MARCHF11: variants seen among roughly 807,000 people sequenced by gnomAD.
MARCHF11 encodes the protein E3 ubiquitin-protein ligase MARCHF11.
Under a neutral mutation model 37.3 loss-of-function variants are expected in MARCHF11, and 29 were observed. That is an observed-to-expected ratio of 0.78 (90% CI 0.58 to 1.06). The LOEUF is 1.06. MARCHF11 is among the 50% of genes least tolerant of loss of function. The pLI is 0.00. For missense variants in MARCHF11, 482 were observed against 533.4 expected (o/e 0.90, Z 0.95); for synonymous variants, 233 against 228.0 (o/e 1.02, Z -0.20).
intron 2 of MARCHF11, among the ~76,000 whole-genome samples, chr5:16,123,797 G>A (rs1268153725): frequency 6.6e-6 from 1 of 152,164 alleles, no homozygotes; most frequent in African/African-American, 2.4e-5. Flanking sequence ...GGATTTGCAA[G>A]AGACTATTTT....
In MARCHF11 at chr5:16,174,276, A is replaced by AT. The variant is rs1579428392; in HGVS notation, c.693+3449dup. Among the ~76,000 whole-genome samples the AT allele has an allele frequency of 3.3e-5, 5 of 152,358 alleles. No individual in the cohort carries two copies. The East Asian group carries it at 9.6e-4, about 29-fold the overall frequency. ...TTGGATATGTTAATAAATAAAATAG[A>AT]TTCTGCCAGTAGATAGGAAGGTAAA... On this transcript the variant is annotated intron_variant, in intron 2 of 3. Transcript: ENST00000332432.
At chr5:16,140,756 T>C (rs565953322) in intron 2 of MARCHF11, among the ~76,000 whole-genome samples, 1 of 152,304 alleles carries the variant, frequency 6.6e-6, no homozygotes, top group South Asian at 2.1e-4. Flanking sequence ...TTTTAAAATA[T>C]GTCCATATAA....
At chr5:16,178,919 C>G (rs924461506) in intron 1 of MARCHF11, 120 bp downstream of exon 1, 4 of 1,234,778 alleles carry the variant, frequency 3.2e-6, no homozygotes, top group Non-Finnish European at 3.1e-6. Flanking sequence ...CAGGGCAGAA[C>G]CAGACGAGCC....
At chr5:16,105,814 A>G (rs13354280) in intron 2 of MARCHF11, among the ~76,000 whole-genome samples, 8,438 of 151,544 alleles carry the variant, frequency 0.056, 670 homozygotes, top group African/African-American at 0.18. Context: ...ATTTCATTTT[A>G]TCTTTCACTT....
chr5:16,136,243 G>GT (rs1052250385), intron 2 of MARCHF11, among the ~76,000 whole-genome samples: 2 of 151,860 alleles, frequency 1.3e-5, no homozygotes, highest in African/African-American at 4.8e-5. Context: ...TCAAGAAAAT[G>GT]TTTGAGTAAT....
intron 2 of MARCHF11, among the ~76,000 whole-genome samples, chr5:16,092,538 G>A (rs1736804233): frequency 6.6e-6 from 1 of 152,074 alleles, no homozygotes. Context: ...TGAACAATGA[G>A]AACACATGGA....
intron 2 of MARCHF11, among the ~76,000 whole-genome samples, chr5:16,097,033 G>A (rs1736879622): frequency 6.6e-6 from 1 of 152,174 alleles, no homozygotes. Flanking sequence ...TAGATTTATA[G>A]TATGATGATT....
chr5:16,105,181 G>A (rs990429906), intron 2 of MARCHF11, among the ~76,000 whole-genome samples: 1 of 152,152 alleles, frequency 6.6e-6, no homozygotes, highest in Admixed American at 6.5e-5. Context: ...CTGACATCCT[G>A]CTGTGGCTTG....
chr5:16,093,238 G>A (rs1392107983), intron 2 of MARCHF11, among the ~76,000 whole-genome samples: 4 of 152,084 alleles, frequency 2.6e-5, no homozygotes, highest in Non-Finnish European at 5.9e-5. Context: ...GGAGTAACAA[G>A]GATTCACCAA....
intron 2 of MARCHF11, among the ~76,000 whole-genome samples, chr5:16,160,300 A>G (rs1738049505): frequency 1.2e-5 from 1 of 84,342 alleles, no homozygotes; most frequent in Non-Finnish European, 2.5e-5. Flanking sequence ...TTATATTTAT[A>G]TATTTAATAT....
In MARCHF11 at chr5:16,146,460, C is replaced by T. The variant is rs140673534; in HGVS notation, c.693+31266G>A. Among the ~76,000 whole-genome samples, 232 of 152,222 alleles carry T rather than the reference C, an allele frequency of 1.5e-3. 1 individual carries two copies. Among genetic ancestry groups the T allele is most frequent in the Non-Finnish European group, 2.5e-3 (172 of 68,020 alleles). On this transcript the variant is annotated intron_variant, in intron 2 of 3. Coordinates refer to ENST00000332432, the MANE Select transcript of MARCHF11 (RefSeq NM_001102562.3). Reference sequence around the variant, plus strand: ...GTATTCATGTTGAGGATGATCTCAACTCAAAAGTGTAGAGTTCTCTCTGAT... The same window carrying T: ...GTATTCATGTTGAGGATGATCTCAATTCAAAAGTGTAGAGTTCTCTCTGAT...
intron 2 of MARCHF11, among the ~76,000 whole-genome samples, chr5:16,105,808 C>T (rs1408467697): frequency 4.6e-5 from 7 of 151,682 alleles, no homozygotes; most frequent in African/African-American, 1.5e-4. Context: ...TTTTCAATTT[C>T]ATTTTATCTT....
intron 1 of MARCHF11, 98 bp from the exon 2 acceptor site, chr5:16,177,979 A>G: frequency 8.5e-7 from 1 of 1,183,204 alleles, no homozygotes; most frequent in African/African-American, 1.5e-5. Flanking sequence ...TTTACTCAGG[A>G]TACAGCATCA....
chr5:16,114,002 T>C (rs1737191458), intron 2 of MARCHF11, among the ~76,000 whole-genome samples: 1 of 152,088 alleles, frequency 6.6e-6, no homozygotes, highest in African/African-American at 2.4e-5. Context: ...CTCTATGAGA[T>C]CAACTTTTTC....
chr5:16,119,630 G>C (rs1737280381), intron 2 of MARCHF11, among the ~76,000 whole-genome samples: 1 of 151,140 alleles, frequency 6.6e-6, no homozygotes, highest in Non-Finnish European at 1.5e-5. Context: ...ATGATAATTG[G>C]AAGCCTTATA....
intron 2 of MARCHF11, among the ~76,000 whole-genome samples, chr5:16,122,111 T>C (rs1737318118): frequency 6.6e-6 from 1 of 152,162 alleles, no homozygotes; most frequent in Non-Finnish European, 1.5e-5. Flanking sequence ...CTGACACCCC[T>C]ACCCTTTCTC....
intron 3 of MARCHF11, among the ~76,000 whole-genome samples, chr5:16,071,159 C>A (rs1264236608): frequency 2.6e-5 from 4 of 152,148 alleles, no homozygotes; most frequent in African/African-American, 7.2e-5. Context: ...AGTTCATATG[C>A]GAACAGGCTG....
At chr5:16,085,823 C>A (rs1219443677) in intron 3 of MARCHF11, among the ~76,000 whole-genome samples, 2 of 151,224 alleles carry the variant, frequency 1.3e-5, no homozygotes, top group Non-Finnish European at 2.9e-5. Context: ...GCCTGTAGTC[C>A]CAGCTACTCA....
chr5:16,120,059 C>T (rs182968016), intron 2 of MARCHF11, among the ~76,000 whole-genome samples: 93 of 152,268 alleles, frequency 6.1e-4, no homozygotes, highest in Admixed American at 7.8e-4. Context: ...AGGAACAGCC[C>T]GGAGCCAGAG....
Sources: gnomAD v4.1 joint callset for allele counts (sites outside exome capture counted in the v4.1 genomes callset) on GRCh38, gnomAD v4.1.1 for gene constraint, MANE v1.5 for transcripts, NCBI Gene and HGNC (gene_info 2026-07-23, HGNC 2026-07-21) for gene names.